The following XRRA1 variants were observed in gnomAD, a reference collection of about 807,000 sequenced individuals.
The protein encoded by XRRA1 is X-ray radiation resistance-associated protein 1.
A neutral mutation model predicts 80.2 loss-of-function variants in XRRA1; 69 were observed. The observed-to-expected ratio is 0.86, with a 90% CI of 0.71 to 1.05. XRRA1 has a LOEUF of 1.05. Among genes scored for constraint, XRRA1 ranks in the 50% least tolerant of loss-of-function variants. The probability of loss-of-function intolerance (pLI) is 0.00; values close to 1 mark genes in which losing one functional copy is unlikely to be tolerated. For synonymous variants in XRRA1, 348 were observed against 389.9 expected (o/e 0.89, Z 1.27); for missense variants, 967 against 976.4 (o/e 0.99, Z 0.13).
chr11:74,867,967 G>C (rs1401839342), intron 10 of XRRA1, among the ~76,000 whole-genome samples: 2 of 131,704 alleles, frequency 1.5e-5, no homozygotes, highest in Non-Finnish European at 3.1e-5. Flanking sequence ...CGTCATCCAG[G>C]CTGGAGTACA....
At chr11:74,935,804 C>T (rs1387695177) in intron 4 of XRRA1, among the ~76,000 whole-genome samples, 1 of 152,168 alleles carries the variant, frequency 6.6e-6, no homozygotes, top group Non-Finnish European at 1.5e-5. Flanking sequence ...ATCCTTGTTG[C>T]TCCTGTCTCC....
chr11:74,946,754 CTTT>C (rs199664037), intron 1 of XRRA1, among the ~76,000 whole-genome samples: 4 of 141,590 alleles, frequency 2.8e-5, no homozygotes, highest in African/African-American at 2.6e-5. Flanking sequence ...ACCTCTTTTT[CTTT>C]TTTTTTTTTT....
At chr11:74,848,896 C>T (rs761287250) in intron 14 of XRRA1, among the ~76,000 whole-genome samples, 12 of 152,190 alleles carry the variant, frequency 7.9e-5, no homozygotes, top group Non-Finnish European at 1.8e-4. Flanking sequence ...CCAGGGACTC[C>T]GAGGAGAGGG....
At chr11:74,851,307 C>G (rs2039777998) in intron 13 of XRRA1, 104 bp from the exon 14 acceptor site, 2 of 790,312 alleles carry the variant, frequency 2.5e-6, no homozygotes. Flanking sequence ...ATTACTGAAA[C>G]TTATTCTCAA....
At chr11:74,856,773 A>G (rs1459245013) in intron 12 of XRRA1, among the ~76,000 whole-genome samples, 1 of 152,186 alleles carries the variant, frequency 6.6e-6, no homozygotes, top group Non-Finnish European at 1.5e-5. Flanking sequence ...CCCACCACAA[A>G]AAGGCAGGGG....
chr11:74,899,730 A>G (rs374286437), intron 10 of XRRA1, among the ~76,000 whole-genome samples: 1 of 152,350 alleles, frequency 6.6e-6, no homozygotes, highest in East Asian at 1.9e-4. Context: ...TAAACAGACC[A>G]TTAACAAGTA....
At chr11:74,849,003 ATC>A (rs941312673) in intron 14 of XRRA1, among the ~76,000 whole-genome samples, 46 of 152,336 alleles carry the variant, frequency 3.0e-4, no homozygotes, top group African/African-American at 1.1e-3. Flanking sequence ...CTAAAGATAG[ATC>A]TCTCTGAAAG....
intron 10 of XRRA1, among the ~76,000 whole-genome samples, chr11:74,875,251 CCAAGTCAGCAG>C (rs1329190198): frequency 3.9e-5 from 6 of 152,272 alleles, no homozygotes; most frequent in Non-Finnish European, 8.8e-5. Context: ...GATGAGGCAG[CCAAGTCAGCAG>C]CAAGTCAGCC....
rs2040014417 is a variant in XRRA1 at position 74,852,101 on chromosome 11, A to G, written c.1171-19T>C. On this transcript the variant is annotated intron_variant, in intron 12 of 18. Coordinates refer to ENST00000684022, the MANE Select transcript of XRRA1 (RefSeq NM_001378157.1). ...TTGCGATCTGTAATGAATGCAGGAG[A>G]GACTCTCAGGTTGACACCACCCCTC... The G allele has an allele frequency of 6.2e-7, 1 of 1,608,008 alleles. No homozygotes were observed. Among genetic ancestry groups the G allele is most frequent in the Non-Finnish European group, 8.5e-7 (1 of 1,174,620 alleles).
At chr11:74,845,362 C>T in intron 15 of XRRA1, 91 bp from the exon 16 acceptor site, 1 of 1,387,806 alleles carries the variant, frequency 7.2e-7, no homozygotes, top group Non-Finnish European at 9.8e-7. Flanking sequence ...CTGGTCTCTG[C>T]TGGGCCCTGT....
intron 16 of XRRA1, 79 bp from the exon 17 acceptor site, chr11:74,844,362 C>G (rs565901961): frequency 2.0e-6 from 2 of 1,008,318 alleles, no homozygotes; most frequent in Non-Finnish European, 3.1e-6. Flanking sequence ...CTTCATTCCT[C>G]AGTCTCACAG....
chr11:74,874,233 C>CAAAAAAAAAAAAAA, intron 10 of XRRA1, among the ~76,000 whole-genome samples: 1 of 48,308 alleles, frequency 2.1e-5, no homozygotes, highest in Non-Finnish European at 3.7e-5. Flanking sequence ...GACTCCGTCT[C>CAAAAAAAAAAAAAA]AAAAAAAAAA....
At chr11:74,888,536 T>G (rs2049713529) in intron 10 of XRRA1, among the ~76,000 whole-genome samples, 1 of 152,182 alleles carries the variant, frequency 6.6e-6, no homozygotes, top group Non-Finnish European at 1.5e-5. Flanking sequence ...GGAATGCAGC[T>G]CCTCACCAGC....
chr11:74,843,594 A>G, intron 18 of XRRA1, 141 bp from the exon 19 acceptor site: 2 of 1,210,414 alleles, frequency 1.7e-6, no homozygotes, highest in East Asian at 5.1e-5. Context: ...TGGCCTTTCC[A>G]GCTTGGGAAG....
Position 74,863,028 on chromosome 11 carries a change from CAGAAG to C in XRRA1, c.1004-12_1004-8del, listed in dbSNP as rs1260504508. On this transcript the variant is annotated splice_polypyrimidine_tract_variant and splice_region_variant and intron_variant, in intron 10 of 18. Coordinates refer to ENST00000684022, the MANE Select transcript of XRRA1 (RefSeq NM_001378157.1). Reference sequence around the variant, plus strand: ...TAAGATGAAAACACAACCTCTGAAACAGAAGAGAAACAGAATGAAGGTTGGTGAGA... The same window carrying C: ...TAAGATGAAAACACAACCTCTGAAACAGAAACAGAATGAAGGTTGGTGAGA... The C allele has an allele frequency of 5.6e-6, 9 of 1,600,452 alleles. No individual in the cohort carries two copies. The highest frequency in any genetic ancestry group is 3.3e-4 in the Middle Eastern group (2 of 6,042).
At chr11:74,921,509 A>G (rs1404847536) in intron 7 of XRRA1, among the ~76,000 whole-genome samples, 162 bp from the exon 8 acceptor site, 3 of 152,140 alleles carry the variant, frequency 2.0e-5, no homozygotes, top group Admixed American at 6.5e-5. Context: ...TCAGTACCCA[A>G]CTGGTTTTCT....
At chr11:74,914,816 T>A (rs1205201787) in intron 8 of XRRA1, among the ~76,000 whole-genome samples, 1 of 151,766 alleles carries the variant, frequency 6.6e-6, no homozygotes, top group East Asian at 1.9e-4. Context: ...GAGCCACTCA[T>A]CATGAACTGA....
At chr11:74,924,222 T>C (rs1236119868) in intron 7 of XRRA1, among the ~76,000 whole-genome samples, 2 of 146,822 alleles carry the variant, frequency 1.4e-5, no homozygotes, top group Non-Finnish European at 3.0e-5. Flanking sequence ...ACGCCTGTAA[T>C]CCCAGCACTT....
intron 10 of XRRA1, among the ~76,000 whole-genome samples, chr11:74,902,447 C>T (rs746037845): frequency 6.6e-6 from 1 of 151,994 alleles, no homozygotes; most frequent in African/African-American, 2.4e-5. Flanking sequence ...ATCGGTATAT[C>T]AGAGAGATAT....
Sources: gnomAD v4.1 joint callset for allele counts (sites outside exome capture counted in the v4.1 genomes callset) on GRCh38, gnomAD v4.1.1 for gene constraint, MANE v1.5 for transcripts, NCBI Gene and HGNC (gene_info 2026-07-23, HGNC 2026-07-21) for gene names.